Variants in DHX9 observed in about 807,000 individuals in gnomAD.
DHX9 encodes the protein DExH-box helicase 9, also known as ATP-dependent RNA helicase A.
DHX9 carries 27 observed loss-of-function variants against 148.7 expected under a neutral mutation model. The observed-to-expected ratio is 0.18, with a 90% confidence interval of 0.13 to 0.25. DHX9 has a LOEUF of 0.25. DHX9 is among the 10% of genes least tolerant of loss of function. The pLI, the probability that DHX9 is intolerant of heterozygous loss-of-function variation, is 1.00. For synonymous variants in DHX9, 529 were observed against 516.6 expected, an observed-to-expected ratio of 1.02 and a Z score of -0.33; for missense variants, 796 against 1,559.6, an observed-to-expected ratio of 0.51 and a Z score of 8.25.
At chr1:182,857,798 T>C (rs1668283212) in intron 7 of DHX9, among the ~76,000 whole-genome samples, 1 of 152,240 alleles carries the variant, frequency 6.6e-6, no homozygotes, top group African/African-American at 2.4e-5. Flanking sequence ...TATGTTTTCT[T>C]CCCCATTTTA....
chr1:182,851,791 G>T (rs148848475), intron 3 of DHX9, among the ~76,000 whole-genome samples: 1 of 152,062 alleles, frequency 6.6e-6, no homozygotes, highest in Non-Finnish European at 1.5e-5. Flanking sequence ...TATCTATTCC[G>T]TGATCATCTT....
intron 20 of DHX9, among the ~76,000 whole-genome samples, chr1:182,878,747 C>T (rs1648941556): frequency 6.6e-6 from 1 of 152,094 alleles, no homozygotes; most frequent in Non-Finnish European, 1.5e-5. Flanking sequence ...ATATGAAATC[C>T]AAAACGCTCT....
chr1:182,858,122 A>G lies in DHX9; in HGVS notation c.692A>G (p.His231Arg). 6.2e-7 allele frequency: 1 copy of G among 1,613,078 alleles called. No individual in the cohort carries two copies. The highest frequency in any genetic ancestry group is 8.5e-7 in the Non-Finnish European group (1 of 1,179,830). The change falls in exon 8 of 28, where the codon CAT (histidine) becomes CGT (arginine). Residue 231 changes from histidine (H) to arginine (R), a missense_variant. Physicochemically the swap from His to Arg is conservative, Grantham distance 29. This residue lies in a region of DHX9 where 46 missense variants were observed against 136.3 expected (regional missense o/e 0.34). Transcript: ENST00000367549. Reference sequence around the variant, plus strand: ...ATTATAGGGATTTTTGCACGAGAACATGGATCAAATAAGAAATTGGCAGCA... The same window carrying G: ...ATTATAGGGATTTTTGCACGAGAACGTGGATCAAATAAGAAATTGGCAGCA... ...QLGRRIFAREHGSNKKLAAQS... is the reference protein window; with the variant it reads ...QLGRRIFARERGSNKKLAAQS...
At chr1:182,879,036 A>G (rs748575292) in intron 20 of DHX9, among the ~76,000 whole-genome samples, 35 of 152,254 alleles carry the variant, frequency 2.3e-4, no homozygotes, top group Middle Eastern at 3.2e-3. Flanking sequence ...CTAAAAGGCT[A>G]TCAAGCTGTG....
chr1:182,851,641 A>G (rs1668152593), intron 3 of DHX9, among the ~76,000 whole-genome samples: 1 of 152,150 alleles, frequency 6.6e-6, no homozygotes, highest in African/African-American at 2.4e-5. Flanking sequence ...CCTAAAACCC[A>G]TGTGGTTAGA....
chr1:182,876,190 T>C lies in DHX9; in HGVS notation c.1956T>C (p.Ala652=). ...TTGAAACCCTTAATGTTCCTGGAGC[T>C]GTGTTGGTTTTTTTGCCTGGCTGGA... ...KYIETLNVPG[A]VLVFLPGWNL... Residue 652 remains alanine (A), a synonymous_variant, in exon 17 of 28, where the codon GCT becomes GCC. Coordinates refer to ENST00000367549, the MANE Select transcript of DHX9 (RefSeq NM_001357.5). 6.2e-7 allele frequency: 1 copy of C among 1,614,034 alleles called. No individual in the cohort carries two copies.
chr1:182,865,369 A>G (rs1648250455), intron 12 of DHX9, among the ~76,000 whole-genome samples: 1 of 152,220 alleles, frequency 6.6e-6, no homozygotes, highest in South Asian at 2.1e-4. Context: ...AAGTGCGTGT[A>G]TATATAATGT....
chr1:182,883,096 G>A (rs1462709240), intron 24 of DHX9, 43 bp from the exon 25 acceptor site: 1 of 1,322,688 alleles, frequency 7.6e-7, no homozygotes, highest in Admixed American at 1.7e-5. Flanking sequence ...GTGAAGATCA[G>A]CCAGTTATCT....
In DHX9 at chr1:182,881,652, G is replaced by A; in HGVS notation, c.2914+5G>A. On this transcript the variant is annotated splice_donor_5th_base_variant and intron_variant, in intron 24 of 27. Transcript: ENST00000367549. Reference sequence around the variant, plus strand: ...TTAATTCTGGGTTTCCAGAAGGTAAGACTTCTTCCATTCTTAAGATATCTT... The same window carrying A: ...TTAATTCTGGGTTTCCAGAAGGTAAAACTTCTTCCATTCTTAAGATATCTT... 1 of 1,588,678 alleles carries A rather than the reference G, an allele frequency of 6.3e-7. No individual in the cohort carries two copies. The highest frequency in any genetic ancestry group is 8.5e-7 in the Non-Finnish European group (1 of 1,172,696).
intron 14 of DHX9, among the ~76,000 whole-genome samples, chr1:182,869,161 C>T (rs116068910): frequency 0.025 from 3,852 of 152,284 alleles, 61 homozygotes; most frequent in Non-Finnish European, 0.035. Context: ...CAGTGGCTCA[C>T]GCCTGTAATC....
At chr1:182,850,942 C>T (rs1328610251) in intron 3 of DHX9, among the ~76,000 whole-genome samples, 6 of 152,082 alleles carry the variant, frequency 3.9e-5, no homozygotes, top group East Asian at 3.8e-4. Flanking sequence ...AATTCTCATA[C>T]GTTAGGAATT....
chr1:182,862,065 ATACTG>A (rs1270908184), intron 12 of DHX9, among the ~76,000 whole-genome samples: 1 of 149,260 alleles, frequency 6.7e-6, no homozygotes, highest in East Asian at 1.9e-4. Flanking sequence ...TGTTTTTAAT[ATACTG>A]TACTTCTTTT....
intron 26 of DHX9, among the ~76,000 whole-genome samples, chr1:182,884,108 C>T (rs1007245443): frequency 2.0e-5 from 3 of 152,072 alleles, no homozygotes; most frequent in East Asian, 3.9e-4. Context: ...CCTGTCTCTA[C>T]GAAAAATCCA....
chr1:182,852,202 C>G, intron 3 of DHX9, 31 bp from the exon 4 acceptor site: 1 of 1,512,404 alleles, frequency 6.6e-7, no homozygotes, highest in Non-Finnish European at 9.1e-7. Context: ...GGCAAAAGCA[C>G]TGACAGCTGC....
At chr1:182,865,008 C>T (rs1168284920) in intron 12 of DHX9, among the ~76,000 whole-genome samples, 1 of 152,082 alleles carries the variant, frequency 6.6e-6, no homozygotes, top group East Asian at 1.9e-4. Context: ...GTGAACACAC[C>T]TCAGAAGAGT....
chr1:182,850,561 C>T (rs1403796044), intron 3 of DHX9, among the ~76,000 whole-genome samples: 5 of 149,794 alleles, frequency 3.3e-5, no homozygotes, highest in African/African-American at 1.2e-4. Flanking sequence ...CACCATTGCA[C>T]TCCAGCCTGG....
chr1:182,865,544 A>C (rs1278013817), intron 12 of DHX9, among the ~76,000 whole-genome samples: 1 of 152,220 alleles, frequency 6.6e-6, no homozygotes, highest in African/African-American at 2.4e-5. Flanking sequence ...AAAAGAAGAT[A>C]GTGATCAGTA....
intron 12 of DHX9, among the ~76,000 whole-genome samples, chr1:182,862,984 C>T (rs369980152): frequency 6.6e-6 from 1 of 152,128 alleles, no homozygotes; most frequent in African/African-American, 2.4e-5. Flanking sequence ...ACTACTATGG[C>T]TGGACTCCAG....
chr1:182,872,333 A>G lies in DHX9; in HGVS notation c.1558-4A>G. On this transcript the variant is annotated splice_region_variant and splice_polypyrimidine_tract_variant and intron_variant, in intron 14 of 27. Coordinates refer to ENST00000367549, the MANE Select transcript of DHX9 (RefSeq NM_001357.5). The stretch of plus-strand genomic sequence containing the variant: ...TCAAAAATTTTGTGTTTGTTTTTTA[A>G]TAGACTGACTTCCTTTTGGTAGTAC... 6.3e-7 allele frequency: 1 copy of G among 1,598,796 alleles called. No homozygotes were observed. The highest frequency in any genetic ancestry group is 8.5e-7 in the Non-Finnish European group (1 of 1,174,394).
Sources: gnomAD v4.1 joint callset for allele counts (sites outside exome capture counted in the v4.1 genomes callset) on GRCh38, gnomAD v4.1.1 for gene constraint, gnomAD v4.1.1 regional missense constraint, MANE v1.5 for transcripts, NCBI Gene and HGNC (gene_info 2026-07-23, HGNC 2026-07-21) for gene names.